Variants in PDLIM5 observed in about 807,000 individuals in gnomAD.
PDLIM5 encodes the protein PDZ and LIM domain 5, also known as PDZ and LIM domain protein 5.
In PDLIM5, 34 loss-of-function variants were observed where a neutral mutation model predicts 64.2. The observed-to-expected ratio is 0.53, with a 90% confidence interval of 0.40 to 0.71. The LOEUF (loss-of-function observed/expected upper bound fraction) is 0.71, where lower values mean the gene tolerates loss of function less well. Ranked by LOEUF, PDLIM5 falls within the 30% of genes least tolerant of loss-of-function variation. The probability of loss-of-function intolerance (pLI) is 0.00; values close to 1 mark genes in which losing one functional copy is unlikely to be tolerated. For missense variants in PDLIM5, 683 were observed against 733.6 expected, an observed-to-expected ratio of 0.93 and a Z score of 0.80; for synonymous variants, 253 against 269.1, an observed-to-expected ratio of 0.94 and a Z score of 0.59.
chr4:94,515,583 A>G (rs1729291511), intron 2 of PDLIM5, among the ~76,000 whole-genome samples: 1 of 152,206 alleles, frequency 6.6e-6, no homozygotes, highest in Non-Finnish European at 1.5e-5. Context: ...CTCACATTTC[A>G]TTAAATCGTA....
At chr4:94,514,173 C>T (rs1231431579) in intron 2 of PDLIM5, among the ~76,000 whole-genome samples, 1 of 140,704 alleles carries the variant, frequency 7.1e-6, no homozygotes, top group African/African-American at 2.7e-5. Context: ...CTTACGTGGT[C>T]GCCAAGGCTG....
At chr4:94,475,085 A>T (rs1355669672) in intron 2 of PDLIM5, among the ~76,000 whole-genome samples, 1 of 152,108 alleles carries the variant, frequency 6.6e-6, no homozygotes, top group Admixed American at 6.5e-5. Flanking sequence ...TATCCCACTG[A>T]AAAGTTTTAT....
chr4:94,596,050 T>C lies in PDLIM5; in HGVS notation c.920+9606T>C, dbSNP rs114040740. ...TCTGCTGGTTGAGTATACTGTTTTA[T>C]GCAAATACTGTTTTGCTGACTACAA... On this transcript the variant is annotated intron_variant, in intron 7 of 12. Coordinates refer to ENST00000317968, the MANE Select transcript of PDLIM5 (RefSeq NM_006457.5). 6.1e-3 allele frequency among the ~76,000 whole-genome samples: 934 copies of C among 152,336 alleles called. 9 individuals carry two copies. The highest frequency in any genetic ancestry group is 0.021 in the African/African-American group (876 of 41,584).
intron 2 of PDLIM5, among the ~76,000 whole-genome samples, chr4:94,469,345 T>C (rs1280063946): frequency 6.6e-6 from 1 of 152,216 alleles, no homozygotes; most frequent in East Asian, 1.9e-4. Flanking sequence ...CATTTTTAGA[T>C]TGGACAGTCA....
chr4:94,610,329 T>C, intron 7 of PDLIM5: 1 of 1,436,670 alleles, frequency 7.0e-7, no homozygotes, highest in Non-Finnish European at 9.2e-7. Context: ...ACAGCGTCTG[T>C]CTGATGTGAT....
At chr4:94,518,965 A>G (rs1172348308) in intron 2 of PDLIM5, among the ~76,000 whole-genome samples, 1 of 151,972 alleles carries the variant, frequency 6.6e-6, no homozygotes, top group Non-Finnish European at 1.5e-5. Context: ...ATTGCTTCTT[A>G]TCCTTTGGCC....
At chr4:94,474,700 C>T (rs1404071288) in intron 2 of PDLIM5, among the ~76,000 whole-genome samples, 1 of 152,064 alleles carries the variant, frequency 6.6e-6, no homozygotes, top group African/African-American at 2.4e-5. Context: ...TGCTCTGGCA[C>T]CAAGGCAGTC....
chr4:94,534,064 A>G (rs1191715665), intron 3 of PDLIM5, among the ~76,000 whole-genome samples: 4 of 152,310 alleles, frequency 2.6e-5, no homozygotes, highest in Non-Finnish European at 2.9e-5. Context: ...TTTATGGCCC[A>G]TCTGGCAGGA....
At chr4:94,516,712 T>C (rs1484267032) in intron 2 of PDLIM5, among the ~76,000 whole-genome samples, 1 of 151,956 alleles carries the variant, frequency 6.6e-6, no homozygotes, top group Non-Finnish European at 1.5e-5. Flanking sequence ...TTTAATTTTT[T>C]GTAGAGATAG....
chr4:94,599,481 A>C (rs1371593343), intron 7 of PDLIM5, among the ~76,000 whole-genome samples: 1 of 152,220 alleles, frequency 6.6e-6, no homozygotes, highest in Non-Finnish European at 1.5e-5. Context: ...AGGAAAAAAA[A>C]GGGTCCTTAA....
At chr4:94,461,711 C>G (rs1268557756) in intron 2 of PDLIM5, among the ~76,000 whole-genome samples, 1 of 152,096 alleles carries the variant, frequency 6.6e-6, no homozygotes, top group Non-Finnish European at 1.5e-5. Context: ...ATTACTAGAA[C>G]AGAGTTCACC....
At chr4:94,456,110 A>G in intron 2 of PDLIM5, 1 of 690,258 alleles carries the variant, frequency 1.4e-6, no homozygotes, top group East Asian at 3.2e-5. Context: ...GGTAATTATT[A>G]CTATTATATA....
chr4:94,619,595 A>G (rs6825799), intron 8 of PDLIM5, among the ~76,000 whole-genome samples: 9,746 of 151,686 alleles, frequency 0.064, 1,070 homozygotes, highest in African/African-American at 0.22. Flanking sequence ...AGCCAAGATC[A>G]CGCCACTGCA....
Position 94,667,845 on chromosome 4 carries a change from C to T in PDLIM5, c.*3778C>T, listed in dbSNP as rs1743153171. On this transcript the variant is annotated 3_prime_UTR_variant, in exon 13 of 13. Coordinates refer to ENST00000317968, the MANE Select transcript of PDLIM5 (RefSeq NM_006457.5). Reference sequence around the variant, plus strand: ...GGAGCCCTTTTATAGAAAATAATTTCTTCTTTACCCCCGTTCCAGTGTGAA... The same window carrying T: ...GGAGCCCTTTTATAGAAAATAATTTTTTCTTTACCCCCGTTCCAGTGTGAA... The T allele has an allele frequency of 6.6e-6, 1 of 152,046 alleles. No homozygotes were observed. Among genetic ancestry groups the T allele is most frequent in the Non-Finnish European group, 1.5e-5 (1 of 67,970 alleles). 9.4% of individuals were successfully genotyped at this position (152,046 alleles called of 1,614,324 possible).
At chr4:94,587,728 G>C (rs1260984803) in intron 7 of PDLIM5, 1 of 984,312 alleles carries the variant, frequency 1.0e-6, no homozygotes, top group Non-Finnish European at 1.2e-6. Context: ...ATTTGCAATG[G>C]AGAAATACAG....
Position 94,665,481 on chromosome 4 carries a change from TAAAAAAAAAAAAAAAA to T in PDLIM5, c.*1424_*1439del. 4 of 446,956 alleles carry T rather than the reference TAAAAAAAAAAAAAAAA, an allele frequency of 8.9e-6. No homozygotes were observed. The highest frequency in any genetic ancestry group is 7.7e-5 in the African/African-American group (2 of 25,974). The allele number at this position is 446,956 out of a possible 1,614,324, so 27.7% of individuals were successfully genotyped here. On this transcript the variant is annotated 3_prime_UTR_variant, in exon 13 of 13. Coordinates refer to ENST00000317968, the MANE Select transcript of PDLIM5 (RefSeq NM_006457.5). ...GGTGACAGAGCAAGACTCCGGCTCTTAAAAAAAAAAAAAAAAAAAAAAAAAGAGAGAGAGAGAATAA... is the reference window on the plus strand; with the variant it reads ...GGTGACAGAGCAAGACTCCGGCTCTTAAAAAAAAAGAGAGAGAGAGAATAA...
intron 2 of PDLIM5, among the ~76,000 whole-genome samples, chr4:94,472,161 C>T (rs542541185): frequency 5.7e-4 from 86 of 152,054 alleles, no homozygotes; most frequent in Non-Finnish European, 9.0e-4. Context: ...CACACACACA[C>T]GCGCACACAC....
intron 9 of PDLIM5, among the ~76,000 whole-genome samples, chr4:94,651,134 G>T (rs1741815762): frequency 6.6e-6 from 1 of 152,194 alleles, no homozygotes; most frequent in Non-Finnish European, 1.5e-5. Context: ...TGCTGACACA[G>T]AGAAGAAAAC....
intron 3 of PDLIM5, among the ~76,000 whole-genome samples, chr4:94,557,639 T>C (rs1416698936): frequency 6.6e-6 from 1 of 152,210 alleles, no homozygotes; most frequent in Non-Finnish European, 1.5e-5. Flanking sequence ...GTAAGTTGGA[T>C]TCCTAGGTAT....
Sources: gnomAD v4.1 joint callset for allele counts (sites outside exome capture counted in the v4.1 genomes callset) on GRCh38, gnomAD v4.1.1 for gene constraint, MANE v1.5 for transcripts, NCBI Gene and HGNC (gene_info 2026-07-23, HGNC 2026-07-21) for gene names.